NFASC: variants seen among roughly 807,000 people sequenced by gnomAD.
NFASC encodes the protein neurofascin homolog.
Under a neutral mutation model 147.5 loss-of-function variants are expected in NFASC, and 43 were observed. The ratio of observed to expected loss-of-function variants is 0.29; its 90% CI spans 0.23 to 0.38. The LOEUF (loss-of-function observed/expected upper bound fraction) is 0.38, where lower values mean the gene tolerates loss of function less well. Ranked by LOEUF, NFASC falls within the 10% of genes least tolerant of loss-of-function variation. NFASC has a pLI of 1.00. For synonymous variants in NFASC, 622 were observed against 665.5 expected, an observed-to-expected ratio of 0.93 and a Z score of 1.01; for missense variants, 1,320 against 1,689.0, an observed-to-expected ratio of 0.78 and a Z score of 3.83.
In NFASC at chr1:204,975,548, C is replaced by A; in HGVS notation, c.1706+130C>A. 1 of 1,270,908 alleles carries A rather than the reference C, an allele frequency of 7.9e-7. No individual in the cohort carries two copies. Among genetic ancestry groups the A allele is most frequent in the Non-Finnish European group, 1.1e-6 (1 of 901,606 alleles). 78.7% of individuals were successfully genotyped at this position (1,270,908 alleles called of 1,614,324 possible). ...CATGCATGTCACCAAGGAGCTTCTG[C>A]AGAGGGGGTGATGGCCTGGGCAACT... is the stretch of plus-strand genomic sequence containing the variant. On this transcript the variant is annotated intron_variant, in intron 15 of 29. Transcript: ENST00000339876. The surrounding 1 kb of genome is among the most constrained non-coding windows in gnomAD (Gnocchi z 4.0).
At chr1:205,014,084 C>T (rs1400931184) in intron 29 of NFASC, among the ~76,000 whole-genome samples, 1 of 152,220 alleles carries the variant, frequency 6.6e-6, no homozygotes, top group Non-Finnish European at 1.5e-5. Context: ...GGCTTCTCCT[C>T]CCCCAGACTC....
chr1:204,951,470 ATT>A (rs72061574), intron 4 of NFASC, among the ~76,000 whole-genome samples: 78 of 134,540 alleles, frequency 5.8e-4, no homozygotes, highest in East Asian at 6.7e-4. Flanking sequence ...GGCCTATGGG[ATT>A]TTTTTTTTTT....
At chr1:204,859,442 T>C (rs2076477321) in intron 1 of NFASC, among the ~76,000 whole-genome samples, 1 of 152,234 alleles carries the variant, frequency 6.6e-6, no homozygotes, top group African/African-American at 2.4e-5. Flanking sequence ...CAGGAGCATA[T>C]GGCCAACCAG....
At position 204,979,811 on chromosome 1, in the gene NFASC, A is replaced by T. The variant is rs899066760; in HGVS notation, c.2176+252A>T. ...ATGATAAATGCTAACTTCCATTTTT[A>T]TTATTAGTAATTCTTGATTATCTGC... On this transcript the variant is annotated intron_variant, in intron 19 of 29. Transcript: ENST00000339876. This position sits in a 1 kb window ranked among gnomAD's most constrained non-coding sequence, Gnocchi z 6.0. Among the ~76,000 whole-genome samples the T allele has an allele frequency of 6.6e-6, 1 of 152,200 alleles. No homozygotes were observed. The highest frequency in any genetic ancestry group is 1.5e-5 in the Non-Finnish European group (1 of 68,028).
At chr1:204,902,342 G>A (rs1404994005) in intron 1 of NFASC, among the ~76,000 whole-genome samples, 1 of 152,048 alleles carries the variant, frequency 6.6e-6, no homozygotes, top group African/African-American at 2.4e-5. Flanking sequence ...AATAAAAGAG[G>A]CCTATTACAC....
intron 1 of NFASC, among the ~76,000 whole-genome samples, chr1:204,918,766 A>G (rs975675495): frequency 2.6e-5 from 4 of 151,502 alleles, no homozygotes; most frequent in Non-Finnish European, 5.9e-5. Context: ...TTGTATTTTT[A>G]GTAGAGACAG....
chr1:204,832,594 A>C (rs893995447), intron 1 of NFASC, among the ~76,000 whole-genome samples: 8 of 152,154 alleles, frequency 5.3e-5, no homozygotes, highest in Non-Finnish European at 1.2e-4. Context: ...GCCTAAGGAG[A>C]GAGACTGTCA....
In NFASC at chr1:204,970,711, A is replaced by G. The variant is rs755386147; in HGVS notation, c.1099A>G (p.Thr367Ala). ...TCGAGCCAATGGAAACCCCAAACCC[A>G]CTGTCCAGTGGATGGTGAATGGGGA... Reference protein sequence around the residue: ...VCRANGNPKPTVQWMVNGEPL... With the variant: ...VCRANGNPKPAVQWMVNGEPL... Residue 367 changes from threonine to alanine, a missense_variant, in exon 11 of 30, where the codon ACT (threonine) becomes GCT (alanine). Thr to Ala is a moderately conservative substitution (Grantham distance 58). Coordinates refer to ENST00000339876, the MANE Select transcript of NFASC (RefSeq NM_001005388.3). 6 of 1,613,944 alleles carry G rather than the reference A, an allele frequency of 3.7e-6. No individual in the cohort carries two copies. Among genetic ancestry groups the G allele is most frequent in the East Asian group, 2.2e-5 (1 of 44,882 alleles).
rs1285724055 is a variant in NFASC at position 205,018,928 on chromosome 1, T to G, written c.*2389T>G. 1 of 152,302 alleles carries G rather than the reference T, an allele frequency of 6.6e-6. No individual in the cohort carries two copies. Among genetic ancestry groups the G allele is most frequent in the East Asian group, 1.9e-4 (1 of 5,196 alleles). 9.4% of individuals were successfully genotyped at this position (152,302 alleles called of 1,614,324 possible). On this transcript the variant is annotated 3_prime_UTR_variant, in exon 30 of 30. Transcript: ENST00000339876. ...CTTGGGGAGAAGTAAGCCCGCAGCCTGCCTCTGCACCTCGTTCCAGTGTCC... is the reference window on the plus strand; with the variant it reads ...CTTGGGGAGAAGTAAGCCCGCAGCCGGCCTCTGCACCTCGTTCCAGTGTCC...
Position 204,894,010 on chromosome 1 carries a change from A to G in NFASC, c.-199-26622A>G, listed in dbSNP as rs144646102. 7.7e-4 allele frequency among the ~76,000 whole-genome samples: 118 copies of G among 152,330 alleles called. 1 individual carries two copies. Among genetic ancestry groups the G allele is most frequent in the South Asian group, 5.0e-3 (24 of 4,822 alleles). On this transcript the variant is annotated intron_variant, in intron 1 of 29. Coordinates refer to ENST00000339876, the MANE Select transcript of NFASC (RefSeq NM_001005388.3). ...GCTTTCAGATTTGGGGCAGGACTTC[A>G]GTTATAAAGGACCCAGGCTTTTTTT...
chr1:204,896,939 A>G (rs915734962), intron 1 of NFASC, among the ~76,000 whole-genome samples: 1 of 152,206 alleles, frequency 6.6e-6, no homozygotes, highest in African/African-American at 2.4e-5. Context: ...CAAGTCTGGC[A>G]GGAATTACAA....
At chr1:204,943,395 A>G (rs2093493377) in intron 2 of NFASC, among the ~76,000 whole-genome samples, 1 of 152,126 alleles carries the variant, frequency 6.6e-6, no homozygotes, top group Non-Finnish European at 1.5e-5. Context: ...AAGCCCTGGA[A>G]TGATTTCTTG....
chr1:204,877,031 A>AT (rs1314233185), intron 1 of NFASC, among the ~76,000 whole-genome samples: 4 of 92,952 alleles, frequency 4.3e-5, no homozygotes, highest in East Asian at 9.7e-4. Context: ...TATATATAAT[A>AT]TATATTTATA....
At chr1:204,919,276 C>T (rs1330534267) in intron 1 of NFASC, among the ~76,000 whole-genome samples, 1 of 151,938 alleles carries the variant, frequency 6.6e-6, no homozygotes, top group Non-Finnish European at 1.5e-5. Context: ...CTGCCTGCCT[C>T]AGCCTCCCAA....
intron 3 of NFASC, 54 bp downstream of exon 3, chr1:204,944,460 T>TG: frequency 5.6e-6 from 2 of 356,612 alleles, no homozygotes; most frequent in East Asian, 1.4e-4. Flanking sequence ...GGCAGAGGGG[T>TG]GGGAGGGGAG....
intron 1 of NFASC, among the ~76,000 whole-genome samples, chr1:204,907,786 A>G (rs2086326267): frequency 6.6e-6 from 1 of 152,246 alleles, no homozygotes; most frequent in African/African-American, 2.4e-5. Flanking sequence ...AAAAGAAGTT[A>G]TCAAGGAAGG....
chr1:204,953,386 TC>T (rs1215592632), intron 5 of NFASC, among the ~76,000 whole-genome samples: 4 of 152,204 alleles, frequency 2.6e-5, no homozygotes, highest in African/African-American at 9.7e-5. Flanking sequence ...AAGCTCCACT[TC>T]CCGGGTTCAT....
At chr1:204,860,044 CGTGG>C (rs1479771344) in intron 1 of NFASC, among the ~76,000 whole-genome samples, 1 of 152,060 alleles carries the variant, frequency 6.6e-6, no homozygotes, top group Non-Finnish European at 1.5e-5. Flanking sequence ...AAGAGTGTGG[CGTGG>C]GCTGCCCTCA....
chr1:204,970,402 T>C (rs1365155636), intron 10 of NFASC, among the ~76,000 whole-genome samples: 1 of 152,206 alleles, frequency 6.6e-6, no homozygotes, highest in Non-Finnish European at 1.5e-5. Context: ...TATTGTTCTG[T>C]GAACTCAAAA....
Sources: gnomAD v4.1 joint callset for allele counts (sites outside exome capture counted in the v4.1 genomes callset) on GRCh38, gnomAD v4.1.1 for gene constraint, Gnocchi (gnomAD v3.1) non-coding constraint, MANE v1.5 for transcripts, NCBI Gene and HGNC (gene_info 2026-07-23, HGNC 2026-07-21) for gene names.